LRRC8C: variants seen among roughly 807,000 people sequenced by gnomAD.
LRRC8C encodes the protein volume-regulated anion channel subunit LRRC8C.
In LRRC8C, 20 loss-of-function variants were observed where a neutral mutation model predicts 55.3. The observed-to-expected ratio is 0.36, with a 90% CI of 0.25 to 0.53. LRRC8C has a LOEUF of 0.53. LRRC8C is among the 20% of genes least tolerant of loss of function. The pLI, the probability that LRRC8C is intolerant of heterozygous loss-of-function variation, is 0.92. For synonymous variants in LRRC8C, 376 were observed against 360.7 expected (o/e 1.04, Z -0.48); for missense variants, 659 against 951.4 (o/e 0.69, Z 4.04).
At chr1:89,659,457 G>A (rs1657054660) in intron 1 of LRRC8C, among the ~76,000 whole-genome samples, 2 of 152,122 alleles carry the variant, frequency 1.3e-5, no homozygotes, top group South Asian at 4.1e-4. Flanking sequence ...TCCATTTCTT[G>A]AGTAAGAGTA....
intron 2 of LRRC8C, among the ~76,000 whole-genome samples, chr1:89,710,287 G>C (rs1032783550): frequency 2.0e-5 from 3 of 152,050 alleles, no homozygotes; most frequent in Non-Finnish European, 2.9e-5. Context: ...ATTTGTCTAG[G>C]CTTTCTCCTG....
intron 1 of LRRC8C, among the ~76,000 whole-genome samples, chr1:89,659,103 G>GTC (rs1557651877): frequency 9.0e-5 from 12 of 133,376 alleles, no homozygotes; most frequent in African/African-American, 3.5e-4. Context: ...GTGTGTGTGT[G>GTC]TGTGTCTGTG....
chr1:89,711,746 G>A (rs974934303), intron 2 of LRRC8C, among the ~76,000 whole-genome samples: 3 of 152,222 alleles, frequency 2.0e-5, no homozygotes, highest in African/African-American at 7.2e-5. Flanking sequence ...AAACTGAAAC[G>A]TTGGTGGAAG....
chr1:89,698,519 A>C (rs543476915), intron 2 of LRRC8C, among the ~76,000 whole-genome samples: 1 of 152,138 alleles, frequency 6.6e-6, no homozygotes, highest in Non-Finnish European at 1.5e-5. Flanking sequence ...GTGACATTTA[A>C]TGTTCCTCAG....
At position 89,714,107 on chromosome 1, in the gene LRRC8C, C is replaced by T; in HGVS notation, c.1537C>T (p.Leu513Phe). The T allele has an allele frequency of 3.7e-6, 6 of 1,614,106 alleles. No homozygotes were observed. The highest frequency in any genetic ancestry group is 4.2e-6 in the Non-Finnish European group (5 of 1,180,010). Residue 513 changes from leucine to phenylalanine, a missense_variant, in exon 3 of 3, where the codon CTC becomes TTC. This residue lies in a region of LRRC8C where 344 missense variants were observed against 464.6 expected (regional missense o/e 0.74). Transcript: ENST00000370454. The surrounding 1 kb of genome is among the most constrained non-coding windows in gnomAD (Gnocchi z 4.6). ...GGAACTCCCCCCCTGGATGTATGGG[C>T]TCCGAAATCTGGAAGAGCTGTACCT... ...MRELPPWMYGLRNLEELYLVG... is the reference protein window; with the variant it reads ...MRELPPWMYGFRNLEELYLVG...
intron 1 of LRRC8C, among the ~76,000 whole-genome samples, chr1:89,672,094 AT>A (rs907379174): frequency 1.3e-5 from 2 of 152,218 alleles, no homozygotes; most frequent in African/African-American, 4.8e-5. Context: ...AAAATGAAAC[AT>A]TTTAAGAGGG....
chr1:89,636,090 A>G (rs577772835), intron 1 of LRRC8C, among the ~76,000 whole-genome samples: 2 of 152,300 alleles, frequency 1.3e-5, no homozygotes, highest in South Asian at 2.1e-4. Context: ...TAGGAGTGCA[A>G]ATGAGGTCAG....
chr1:89,684,359 G>A (rs1238854320), intron 1 of LRRC8C, among the ~76,000 whole-genome samples: 4 of 152,208 alleles, frequency 2.6e-5, no homozygotes, highest in Non-Finnish European at 5.9e-5. Flanking sequence ...AACACAGGTT[G>A]TTTGCTAATT....
At chr1:89,623,108 C>T in the LRRC8C span, among the ~76,000 whole-genome samples, 3 of 151,530 alleles carry the variant, frequency 2.0e-5, no homozygotes, top group Non-Finnish European at 4.4e-5. Flanking sequence ...CTTATCTGAA[C>T]CCTAGTGTTT....
intron 1 of LRRC8C, among the ~76,000 whole-genome samples, chr1:89,674,153 A>G (rs1657491854): frequency 6.6e-6 from 1 of 152,236 alleles, no homozygotes. Context: ...ATCTTTTTAA[A>G]TTAAAGAACA....
chr1:89,638,154 C>G (rs1003706147), intron 1 of LRRC8C, among the ~76,000 whole-genome samples: 3 of 151,974 alleles, frequency 2.0e-5, no homozygotes, highest in African/African-American at 7.2e-5. Flanking sequence ...TTTAAAGAAC[C>G]TTTCTAAGGA....
intron 1 of LRRC8C, among the ~76,000 whole-genome samples, chr1:89,642,890 C>T (rs908178491): frequency 8.6e-5 from 13 of 150,894 alleles, no homozygotes; most frequent in African/African-American, 2.9e-4. Flanking sequence ...TGTTGGTGCG[C>T]ACCTGTAATC....
chr1:89,659,084 T>C (rs1557651870), intron 1 of LRRC8C, among the ~76,000 whole-genome samples: 1 of 143,456 alleles, frequency 7.0e-6, no homozygotes, highest in African/African-American at 2.6e-5. Flanking sequence ...TGTGTGTGTG[T>C]GTGTGTGTGT....
chr1:89,659,058 TTTTTGTGTGTG>T (rs1657035858), intron 1 of LRRC8C, among the ~76,000 whole-genome samples: 2 of 58,940 alleles, frequency 3.4e-5, no homozygotes, highest in Non-Finnish European at 7.5e-5. Flanking sequence ...GTTTTTTTTT[TTTTTGTGTGTG>T]TGTGTGTGTG....
intron 1 of LRRC8C, among the ~76,000 whole-genome samples, chr1:89,671,710 T>C (rs958590470): frequency 6.6e-6 from 1 of 152,212 alleles, no homozygotes; most frequent in Non-Finnish European, 1.5e-5. Context: ...GCATTAATGA[T>C]GTTTACGCTG....
chr1:89,686,389 G>T, intron 1 of LRRC8C, 81 bp from the exon 2 acceptor site: 1 of 1,448,778 alleles, frequency 6.9e-7, no homozygotes, highest in South Asian at 1.2e-5. Flanking sequence ...CTGCTGTGAG[G>T]AGTTGGAGCC....
intron 1 of LRRC8C, among the ~76,000 whole-genome samples, chr1:89,639,167 A>G (rs1358216641): frequency 6.6e-6 from 1 of 151,696 alleles, no homozygotes; most frequent in Non-Finnish European, 1.5e-5. Flanking sequence ...TTGTCTTTTT[A>G]GTAGAGATAG....
intron 1 of LRRC8C, chr1:89,661,129 G>T (rs968564891): frequency 5.6e-6 from 1 of 178,338 alleles, no homozygotes; most frequent in South Asian, 1.2e-4. Flanking sequence ...TAGAGGAGAA[G>T]TATTTCCTGG....
chr1:89,616,637 A>T, the LRRC8C span, among the ~76,000 whole-genome samples: 1 of 152,178 alleles, frequency 6.6e-6, no homozygotes, highest in Non-Finnish European at 1.5e-5. Flanking sequence ...CCTCTTGCAA[A>T]TTTAGGGGGA....
Sources: gnomAD v4.1 joint callset for allele counts (sites outside exome capture counted in the v4.1 genomes callset) on GRCh38, gnomAD v4.1.1 for gene constraint, gnomAD v4.1.1 regional missense constraint, Gnocchi (gnomAD v3.1) non-coding constraint, MANE v1.5 for transcripts, NCBI Gene and HGNC (gene_info 2026-07-23, HGNC 2026-07-21) for gene names.